Variants in ITPR2 observed in about 807,000 individuals in gnomAD.
ITPR2 encodes inositol 1,4,5-trisphosphate-gated calcium channel ITPR2.
Under a neutral mutation model 317.1 loss-of-function variants are expected in ITPR2, and 207 were observed. The observed-to-expected ratio is 0.65, with a 90% CI of 0.58 to 0.73. ITPR2 has a LOEUF of 0.73. ITPR2 is among the 30% of genes least tolerant of loss of function. ITPR2 has a pLI of 0.00. For missense variants in ITPR2, 2,613 were observed against 3,284.0 expected, an observed-to-expected ratio of 0.80 and a Z score of 4.99; for synonymous variants, 1,156 against 1,149.1, an observed-to-expected ratio of 1.01 and a Z score of -0.12.
intron 8 of ITPR2, among the ~76,000 whole-genome samples, chr12:26,712,877 C>T (rs1214026617): frequency 6.6e-6 from 1 of 152,186 alleles, no homozygotes; most frequent in Non-Finnish European, 1.5e-5. Flanking sequence ...TATGCAGTGA[C>T]CAAGATATTA....
chr12:26,828,949 C>T (rs2344964), intron 1 of ITPR2, among the ~76,000 whole-genome samples: 24,373 of 152,198 alleles, frequency 0.16, 2,316 homozygotes, highest in East Asian at 0.22. Flanking sequence ...GATGGAAGAC[C>T]TATGGTCAGG....
intron 51 of ITPR2, among the ~76,000 whole-genome samples, chr12:26,411,733 G>A (rs1054467022): frequency 1.3e-5 from 2 of 152,166 alleles, no homozygotes; most frequent in African/African-American, 4.8e-5. Context: ...TCAGGGTTCT[G>A]ACTTGGGATG....
rs34107444 is a variant in ITPR2, at chr12:26,666,162, A to ATAGAT, written c.1410-112_1410-111insATCTA. ...GATAGATAGATAGATAGATAGATAGATTTTTTTTTACTTTTTCTTCAGGAG... is the reference window on the plus strand; with the variant it reads ...GATAGATAGATAGATAGATAGATAGATAGATTTTTTTTTTACTTTTTCTTCAGGAG... On this transcript the variant is annotated intron_variant, in intron 13 of 56. Transcript: ENST00000381340. 412 of 400,480 alleles carry ATAGAT rather than the reference A, an allele frequency of 1.0e-3. 2 individuals carry two copies. Among genetic ancestry groups the ATAGAT allele is most frequent in the African/African-American group, 2.6e-3 (122 of 46,694 alleles). 24.8% of individuals were successfully genotyped at this position (400,480 alleles called of 1,614,324 possible).
chr12:26,720,273 G>A (rs1948812456), intron 5 of ITPR2, among the ~76,000 whole-genome samples: 1 of 152,066 alleles, frequency 6.6e-6, no homozygotes, highest in Admixed American at 6.6e-5. Context: ...ACATCTTGTT[G>A]GATGTTAAAA....
rs556047422 is a variant in ITPR2 at position 26,375,048 on chromosome 12, G to A, written c.7857+12386C>T. ...TTAAAAACCATTAGACAGAATTCGT[G>A]TGGCTTTACAGTATATAGTTCTTAT... On this transcript the variant is annotated intron_variant, in intron 55 of 56. Transcript: ENST00000381340. 7.2e-5 allele frequency among the ~76,000 whole-genome samples: 11 copies of A among 152,342 alleles called. No individual in the cohort carries two copies. The East Asian group carries it at 2.1e-3, about 29-fold the overall frequency.
intron 26 of ITPR2, among the ~76,000 whole-genome samples, chr12:26,607,447 A>G (rs1285936298): frequency 3.9e-5 from 6 of 152,048 alleles, no homozygotes; most frequent in African/African-American, 1.4e-4. Context: ...ATAAGGAGGT[A>G]TTTTTTTCTC....
chr12:26,481,233 G>T lies in ITPR2; in HGVS notation c.6021C>A (p.Ile2007=), dbSNP rs373259914. The part of the protein sequence containing the change: ...QGPCHENQTC[I]ATHESNGIDI... ...CAATCCCATTAGACTCATGTGTAGC[G>T]ATACAGGTCTAGAAAACAAAATATT... The change falls in exon 43 of 57, where the codon ATC becomes ATA. Residue 2007 remains isoleucine, a synonymous_variant. Coordinates refer to ENST00000381340, the MANE Select transcript of ITPR2 (RefSeq NM_002223.4). 1.9e-6 allele frequency: 3 copies of T among 1,594,236 alleles called. No individual in the cohort carries two copies. The highest frequency in any genetic ancestry group is 2.6e-6 in the Non-Finnish European group (3 of 1,162,798).
chr12:26,647,934 C>T (rs1282130415), intron 21 of ITPR2, among the ~76,000 whole-genome samples: 1 of 152,120 alleles, frequency 6.6e-6, no homozygotes, highest in East Asian at 1.9e-4. Flanking sequence ...AAAGCTGCTT[C>T]TGAGCCTAGC....
chr12:26,687,085 A>G (rs1438750353), intron 10 of ITPR2, among the ~76,000 whole-genome samples: 1 of 152,232 alleles, frequency 6.6e-6, no homozygotes, highest in African/African-American at 2.4e-5. Flanking sequence ...CAGAATCAAC[A>G]GCAACATTCC....
At position 26,475,350 on chromosome 12, in the gene ITPR2, A is replaced by G. The variant is rs752105315; in HGVS notation, c.6288T>C (p.Asp2096=). ...ECDHGDDEGG[D]DGVSPKDVGH... ...CAACATCTTTTGGAGAAACACCATC[A>G]TCTCCACCCTCATCATCCCCATGGT... The change falls in exon 45 of 57, where the codon GAT becomes GAC. Residue 2096 remains aspartate, a synonymous_variant. Coordinates refer to ENST00000381340, the MANE Select transcript of ITPR2 (RefSeq NM_002223.4). 1 of 1,613,028 alleles carries G rather than the reference A, an allele frequency of 6.2e-7. No individual in the cohort carries two copies. Among genetic ancestry groups the G allele is most frequent in the Non-Finnish European group, 8.5e-7 (1 of 1,179,028 alleles).
At chr12:26,808,749 G>C (rs1950680488) in intron 1 of ITPR2, among the ~76,000 whole-genome samples, 1 of 152,092 alleles carries the variant, frequency 6.6e-6, no homozygotes, top group Non-Finnish European at 1.5e-5. Context: ...AAAACATTAA[G>C]AAAAACTCTT....
At chr12:26,778,150 T>C (rs1233066642) in intron 2 of ITPR2, among the ~76,000 whole-genome samples, 1 of 152,140 alleles carries the variant, frequency 6.6e-6, no homozygotes, top group Admixed American at 6.5e-5. Flanking sequence ...AACCCCCACA[T>C]TGGCTCCCTG....
intron 37 of ITPR2, among the ~76,000 whole-genome samples, chr12:26,541,544 T>C (rs532044438): frequency 2.0e-5 from 3 of 152,348 alleles, no homozygotes; most frequent in African/African-American, 7.2e-5. Context: ...CAAAAGTTAT[T>C]ATCCAATTTT....
intron 2 of ITPR2, among the ~76,000 whole-genome samples, chr12:26,772,073 TG>T (rs1565751450): frequency 6.6e-6 from 1 of 152,038 alleles, no homozygotes; most frequent in Non-Finnish European, 1.5e-5. Flanking sequence ...CCGAACGGAT[TG>T]GGGTAAAGGC....
At chr12:26,383,997 T>C (rs117222833) in intron 55 of ITPR2, among the ~76,000 whole-genome samples, 2 of 152,338 alleles carry the variant, frequency 1.3e-5, no homozygotes, top group South Asian at 2.1e-4. Context: ...ATTTGAAACT[T>C]CTTCCAAAGC....
intron 22 of ITPR2, among the ~76,000 whole-genome samples, chr12:26,628,735 C>T (rs1946681440): frequency 6.6e-6 from 1 of 152,164 alleles, no homozygotes; most frequent in Admixed American, 6.5e-5. Flanking sequence ...AACTAAGTAC[C>T]TAGCAAGGCT....
intron 45 of ITPR2, among the ~76,000 whole-genome samples, chr12:26,473,213 T>G (rs1264284564): frequency 1.3e-5 from 2 of 152,206 alleles, no homozygotes; most frequent in Non-Finnish European, 2.9e-5. Flanking sequence ...ATGCTTAGTC[T>G]GCTTCAAACT....
At chr12:26,707,423 A>C (rs1948571677) in intron 9 of ITPR2, among the ~76,000 whole-genome samples, 1 of 152,250 alleles carries the variant, frequency 6.6e-6, no homozygotes, top group African/African-American at 2.4e-5. Context: ...ATAAGGGTAC[A>C]GGGTAATAAA....
At chr12:26,419,433 C>T (rs1940821160) in intron 49 of ITPR2, 2 of 428,366 alleles carry the variant, frequency 4.7e-6, no homozygotes, top group Non-Finnish European at 8.4e-6. Context: ...TACAAACTGG[C>T]ACGTAAACAT....
Sources: allele counts gnomAD v4.1 joint callset (sites outside exome capture counted in the v4.1 genomes callset), GRCh38; gene constraint gnomAD v4.1.1; transcripts MANE v1.5; gene names NCBI Gene and HGNC (gene_info 2026-07-23, HGNC 2026-07-21).